OSTM1: variants seen among roughly 807,000 people sequenced by gnomAD.
OSTM1 encodes osteoclastogenesis associated transmembrane protein 1, also known as osteopetrosis-associated transmembrane protein 1.
A neutral mutation model predicts 35.4 loss-of-function variants in OSTM1; 26 were observed. That is an observed-to-expected ratio of 0.73 (90% CI 0.54 to 1.02). The LOEUF is 1.02. Ranked by LOEUF, OSTM1 falls within the 50% of genes least tolerant of loss-of-function variation. The pLI is 0.00. For missense variants in OSTM1, 366 were observed against 409.6 expected (o/e 0.89, Z 0.92); for synonymous variants, 181 against 165.0 (o/e 1.10, Z -0.75).
At chr6:108,052,425 T>C (rs903932992) in intron 3 of OSTM1, among the ~76,000 whole-genome samples, 1 of 129,846 alleles carries the variant, frequency 7.7e-6, no homozygotes, top group Non-Finnish European at 1.6e-5. Context: ...AGAGCGAGAC[T>C]CCGTCTCAAA....
At position 108,055,562 on chromosome 6, in the gene OSTM1, G is replaced by A. The variant is rs73762118; in HGVS notation, c.518-975C>T. On this transcript the variant is annotated intron_variant, in intron 2 of 5. Transcript: ENST00000193322. ...TGTTCTCAGCCTGCTATCTCCAATC[G>A]AGGTTCAACTGCCTGGTTCCAGATC... Among the ~76,000 whole-genome samples, 1,461 of 152,222 alleles carry A rather than the reference G, an allele frequency of 9.6e-3. 25 individuals are homozygous for A. Among genetic ancestry groups the A allele is most frequent in the African/African-American group, 0.03 (1,264 of 41,518 alleles).
At position 108,043,180 on chromosome 6, in the gene OSTM1, T is replaced by C. The variant is rs1022737762; in HGVS notation, c.*1605A>G. 5 of 152,260 alleles carry C rather than the reference T, an allele frequency of 3.3e-5. No homozygotes were observed. The highest frequency in any genetic ancestry group is 5.9e-5 in the Non-Finnish European group (4 of 68,046). The allele number at this position is 152,260 out of a possible 1,614,324, so 9.4% of individuals were successfully genotyped here. ...ACATGTCATTTTCTAACTCTGCACA[T>C]GTAAACTTGTTTTATCTGCATTAAT... is the stretch of plus-strand genomic sequence containing the variant. On this transcript the variant is annotated 3_prime_UTR_variant, in exon 6 of 6. Transcript: ENST00000193322.
rs865825053 is a variant in OSTM1, at chr6:108,050,524, C to T, written c.783+507G>A. On this transcript the variant is annotated intron_variant, in intron 4 of 5. Coordinates refer to ENST00000193322, the MANE Select transcript of OSTM1 (RefSeq NM_014028.4). ...GATAACAGGCGTGTGCCACTACACC[C>T]GGCTAATTTTTCTATTTTTAGTAGA... Among the ~76,000 whole-genome samples, 13 of 152,040 alleles carry T rather than the reference C, an allele frequency of 8.6e-5. No homozygotes were observed. The Middle Eastern group carries it at 0.017, about 199-fold the overall frequency.
intron 1 of OSTM1, among the ~76,000 whole-genome samples, 194 bp from the exon 2 acceptor site, chr6:108,064,493 C>T (rs1772343579): frequency 6.6e-6 from 1 of 152,148 alleles, no homozygotes. Flanking sequence ...GTACTAGGTT[C>T]ACTTGCAAAG....
Position 108,074,487 on chromosome 6 carries a change from C to T in OSTM1, c.165G>A (p.Val55=). ...GCAGGAGGGACAGGGACAAGTCCTC[C>T]ACCTCCAGCAACTGCTGCTCCGACA... is the stretch of plus-strand genomic sequence containing the variant. ...DLLSEQQLLE[V]EDLSLSLLQG... Residue 55 remains valine, a synonymous_variant, in exon 1 of 6, where the codon GTG becomes GTA. Transcript: ENST00000193322. The T allele has an allele frequency of 2.6e-6, 4 of 1,557,962 alleles. No individual in the cohort carries two copies. The East Asian group carries it at 9.7e-5, about 38-fold the overall frequency.
chr6:108,047,632 G>A (rs963153557), intron 5 of OSTM1, among the ~76,000 whole-genome samples: 2 of 152,182 alleles, frequency 1.3e-5, no homozygotes, highest in East Asian at 3.9e-4. Context: ...GATGAAGATG[G>A]TTTGGGCTAG....
At chr6:108,046,830 T>C (rs1771984634) in intron 5 of OSTM1, among the ~76,000 whole-genome samples, 2 of 152,186 alleles carry the variant, frequency 1.3e-5, no homozygotes, top group Admixed American at 1.3e-4. Flanking sequence ...TTTTGAGAAT[T>C]ACTTTGTTAA....
chr6:108,069,737 A>G (rs952397032), intron 1 of OSTM1, among the ~76,000 whole-genome samples: 5 of 152,194 alleles, frequency 3.3e-5, no homozygotes, highest in Non-Finnish European at 7.3e-5. Context: ...TTCAGAAATC[A>G]CTGTATTTTT....
chr6:108,045,496 T>TG (rs560537310), intron 5 of OSTM1, among the ~76,000 whole-genome samples: 49 of 134,534 alleles, frequency 3.6e-4, no homozygotes, highest in African/African-American at 1.0e-3. Flanking sequence ...AACTCTGTAA[T>TG]GGGAAAAAAA....
chr6:108,067,520 CAG>C (rs141203214), intron 1 of OSTM1, among the ~76,000 whole-genome samples: 41,639 of 151,844 alleles, frequency 0.27, 6,085 homozygotes, highest in Admixed American at 0.45. Flanking sequence ...AATGGAGGGA[CAG>C]GGGAATGGAA....
intron 5 of OSTM1, among the ~76,000 whole-genome samples, chr6:108,045,316 T>C (rs1284283673): frequency 1.3e-5 from 2 of 152,110 alleles, no homozygotes; most frequent in Non-Finnish European, 2.9e-5. Flanking sequence ...CTGAATGATT[T>C]TTCCCCCTAA....
At chr6:108,050,853 A>ATATC (rs1772063646) in intron 4 of OSTM1, among the ~76,000 whole-genome samples, 178 bp downstream of exon 4, 1 of 152,226 alleles carries the variant, frequency 6.6e-6, no homozygotes, top group Non-Finnish European at 1.5e-5. Flanking sequence ...TACTAAGGAA[A>ATATC]TATCCATTTT....
intron 5 of OSTM1, among the ~76,000 whole-genome samples, chr6:108,048,741 TG>T: frequency 6.7e-6 from 1 of 148,972 alleles, no homozygotes; most frequent in Admixed American, 7.1e-5. Context: ...AAAGACACTG[TG>T]TTTTAACTTT....
intron 3 of OSTM1, among the ~76,000 whole-genome samples, chr6:108,053,245 CTTA>C (rs1382160676): frequency 6.6e-6 from 1 of 152,182 alleles, no homozygotes; most frequent in Non-Finnish European, 1.5e-5. Flanking sequence ...CAATTTAAAA[CTTA>C]TTATTTCCAG....
chr6:108,066,805 T>C (rs1385745288), intron 1 of OSTM1, among the ~76,000 whole-genome samples: 1 of 152,212 alleles, frequency 6.6e-6, no homozygotes, highest in Non-Finnish European at 1.5e-5. Context: ...TCTTAAAGCA[T>C]GATATCCACC....
chr6:108,050,977 G>T, intron 4 of OSTM1, 54 bp downstream of exon 4: 1 of 1,361,724 alleles, frequency 7.3e-7, no homozygotes, highest in Non-Finnish European at 1.1e-6. Context: ...TCATACTGAA[G>T]GTACATTCAA....
chr6:108,045,109 T>C (rs1222694332), intron 5 of OSTM1, among the ~76,000 whole-genome samples: 1 of 152,122 alleles, frequency 6.6e-6, no homozygotes, highest in African/African-American at 2.4e-5. Flanking sequence ...CAATCTTAAA[T>C]ATGTAATGTA....
chr6:108,071,460 ATT>A (rs545759140), intron 1 of OSTM1, among the ~76,000 whole-genome samples: 1,547 of 103,376 alleles, frequency 0.015, 13 homozygotes, highest in African/African-American at 0.046. Context: ...CACCCGGCTA[ATT>A]TTTTTTTTTT....
intron 2 of OSTM1, among the ~76,000 whole-genome samples, chr6:108,062,849 T>C (rs1772306070): frequency 6.6e-6 from 1 of 152,044 alleles, no homozygotes; most frequent in Admixed American, 6.6e-5. Context: ...CTTAATAATA[T>C]GCTGATATTC....
Sources: gnomAD v4.1 joint callset for allele counts (sites outside exome capture counted in the v4.1 genomes callset) on GRCh38, gnomAD v4.1.1 for gene constraint, MANE v1.5 for transcripts, NCBI Gene and HGNC (gene_info 2026-07-23, HGNC 2026-07-21) for gene names.